Variants in LAMA3 observed in about 807,000 individuals in gnomAD.
The protein encoded by LAMA3 is laminin subunit alpha-3.
In LAMA3, 281 loss-of-function variants were observed where a neutral mutation model predicts 402.0. The ratio of observed to expected loss-of-function variants is 0.70; its 90% CI spans 0.63 to 0.77. The LOEUF (loss-of-function observed/expected upper bound fraction) is 0.77. Among genes scored for constraint, LAMA3 ranks in the 30% least tolerant of loss-of-function variants. The pLI, the probability that LAMA3 is intolerant of heterozygous loss-of-function variation, is 0.00. For synonymous variants in LAMA3, 1,431 were observed against 1,558.4 expected, an observed-to-expected ratio of 0.92 and a Z score of 1.93; for missense variants, 3,840 against 4,215.5, an observed-to-expected ratio of 0.91 and a Z score of 2.47.
In LAMA3 at chr18:23,813,152, C is replaced by T. The variant is rs778520125; in HGVS notation, c.1788+49C>T. 3.2e-6 allele frequency: 4 copies of T among 1,267,576 alleles called. No individual in the cohort carries two copies. In the Admixed American group the frequency reaches 6.7e-5, roughly 21 times the overall value. 78.5% of individuals were successfully genotyped at this position (1,267,576 alleles called of 1,614,324 possible). A position where few individuals can be genotyped will look rare whatever the true frequency, so the allele number is the denominator to read the frequency against. On this transcript the variant is annotated intron_variant, in intron 14 of 74. Coordinates refer to ENST00000313654, the MANE Select transcript of LAMA3 (RefSeq NM_198129.4). ...CAATTCTAACTATCTCTATTATTCT[C>T]ATGCATATTAAGGACTAACAGTGTG...
At chr18:23,873,447 A>G (rs2064600032) in intron 38 of LAMA3, among the ~76,000 whole-genome samples, 1 of 152,326 alleles carries the variant, frequency 6.6e-6, no homozygotes, top group Admixed American at 6.5e-5. Flanking sequence ...GAGACAGTTA[A>G]GAGCTTGAAT....
intron 36 of LAMA3, among the ~76,000 whole-genome samples, chr18:23,865,481 T>A (rs2064333872): frequency 6.6e-6 from 1 of 152,204 alleles, no homozygotes; most frequent in Admixed American, 6.5e-5. Flanking sequence ...TTTTGTTTCA[T>A]AAATGTCTTT....
In LAMA3 at chr18:23,907,740, T is replaced by A; in HGVS notation, c.6836-16T>A. The A allele has an allele frequency of 1.9e-6, 3 of 1,614,076 alleles. No homozygotes were observed. Among genetic ancestry groups the A allele is most frequent in the Non-Finnish European group, 2.5e-6 (3 of 1,179,948 alleles). ...CGTTTTAGATACTTATACCTCCCTA[T>A]CTGTGTGTGCATTAGGTGATATTGA... On this transcript the variant is annotated splice_polypyrimidine_tract_variant and intron_variant, in intron 53 of 74. Transcript: ENST00000313654.
Position 23,914,871 on chromosome 18 carries a change from A to C in LAMA3, c.7644+11A>C. ...CCACCTGATTTTAAAGTAAGTGTAA[A>C]TGTTATTTCACTGAATTAAATATTA... On this transcript the variant is annotated intron_variant, in intron 58 of 74. Coordinates refer to ENST00000313654, the MANE Select transcript of LAMA3 (RefSeq NM_198129.4). 6.3e-7 allele frequency: 1 copy of C among 1,589,804 alleles called. No homozygotes were observed. Among genetic ancestry groups the C allele is most frequent in the Non-Finnish European group, 8.6e-7 (1 of 1,158,194 alleles).
At chr18:23,901,645 T>A (rs1405374812) in intron 48 of LAMA3, among the ~76,000 whole-genome samples, 1 of 152,250 alleles carries the variant, frequency 6.6e-6, no homozygotes, top group East Asian at 1.9e-4. Flanking sequence ...ATTCAAAGTA[T>A]ATATTATGTT....
At chr18:23,781,152 C>A in intron 11 of LAMA3, 1 of 324,864 alleles carries the variant, frequency 3.1e-6, no homozygotes, top group Non-Finnish European at 6.3e-6. Flanking sequence ...AGGTAAAGTC[C>A]AAGTTTTTCA....
intron 2 of LAMA3, among the ~76,000 whole-genome samples, chr18:23,737,208 G>A (rs531583567): frequency 6.6e-6 from 1 of 152,106 alleles, no homozygotes; most frequent in Non-Finnish European, 1.5e-5. Context: ...TCCCTTCTGG[G>A]GTAGGCTGCC....
At chr18:23,943,992 A>C (rs777643301) in intron 69 of LAMA3, 21 bp downstream of exon 69, 1 of 1,609,308 alleles carries the variant, frequency 6.2e-7, no homozygotes, top group South Asian at 1.1e-5. Flanking sequence ...GGGCTGTGTC[A>C]GTATCTCCAG....
chr18:23,904,872 G>A (rs796965383), intron 51 of LAMA3, among the ~76,000 whole-genome samples, 178 bp downstream of exon 51: 13 of 152,338 alleles, frequency 8.5e-5, no homozygotes, highest in African/African-American at 3.1e-4. Context: ...TTTCATGTCT[G>A]TAGCACAGTT....
intron 35 of LAMA3, 89 bp from the exon 36 acceptor site, chr18:23,864,696 C>A: frequency 1.2e-6 from 1 of 849,612 alleles, no homozygotes; most frequent in Non-Finnish European, 2.0e-6. Flanking sequence ...CTTTCCACAC[C>A]TTGTGTGCCT....
intron 23 of LAMA3, among the ~76,000 whole-genome samples, chr18:23,827,873 C>A (rs1013953049): frequency 6.6e-6 from 1 of 152,128 alleles, no homozygotes; most frequent in Non-Finnish European, 1.5e-5. Flanking sequence ...TGTTCAACCC[C>A]TTAGGCTAAG....
At chr18:23,877,758 A>G (rs2064769252) in intron 39 of LAMA3, among the ~76,000 whole-genome samples, 1 of 152,238 alleles carries the variant, frequency 6.6e-6, no homozygotes, top group Non-Finnish European at 1.5e-5. Flanking sequence ...GTATTCCTAT[A>G]GAATAGTTCA....
intron 54 of LAMA3, 138 bp from the exon 55 acceptor site, chr18:23,909,015 C>A: frequency 2.5e-6 from 2 of 785,980 alleles, no homozygotes; most frequent in East Asian, 2.6e-5. Context: ...GGGGAACTAC[C>A]GTAACTAATT....
chr18:23,802,790 G>A (rs1568199858), intron 12 of LAMA3, among the ~76,000 whole-genome samples: 1 of 152,116 alleles, frequency 6.6e-6, no homozygotes, highest in Non-Finnish European at 1.5e-5. Context: ...TCCTGAACTC[G>A]TGAATCTTGG....
intron 1 of LAMA3, among the ~76,000 whole-genome samples, chr18:23,704,256 G>A (rs563116232): frequency 5.3e-5 from 8 of 152,350 alleles, no homozygotes; most frequent in Admixed American, 2.0e-4. Flanking sequence ...GTGGGCAGGT[G>A]TATATAGAGT....
intron 8 of LAMA3, among the ~76,000 whole-genome samples, chr18:23,773,213 C>T (rs2062239173): frequency 6.6e-6 from 1 of 152,224 alleles, no homozygotes; most frequent in South Asian, 2.1e-4. Context: ...TCAGGTGCTT[C>T]ATTAAAGCAA....
chr18:23,695,697 C>T (rs1451046366), intron 1 of LAMA3, among the ~76,000 whole-genome samples: 1 of 141,912 alleles, frequency 7.0e-6, no homozygotes, highest in Non-Finnish European at 1.5e-5. Context: ...ACTTGGGAGG[C>T]TGAAGCAGGA....
At chr18:23,862,357 G>A (rs2064244198) in intron 35 of LAMA3, among the ~76,000 whole-genome samples, 1 of 152,154 alleles carries the variant, frequency 6.6e-6, no homozygotes, top group Non-Finnish European at 1.5e-5. Context: ...CCAGAGGCTG[G>A]CCACCTCCAT....
intron 62 of LAMA3, among the ~76,000 whole-genome samples, chr18:23,926,071 T>C (rs1242603691): frequency 6.6e-6 from 1 of 152,100 alleles, no homozygotes; most frequent in Non-Finnish European, 1.5e-5. Context: ...AGATTCAGAG[T>C]GTGTAAAGGA....
Sources: allele counts gnomAD v4.1 joint callset (sites outside exome capture counted in the v4.1 genomes callset), GRCh38; gene constraint gnomAD v4.1.1; transcripts MANE v1.5; gene names NCBI Gene and HGNC (gene_info 2026-07-23, HGNC 2026-07-21).